Variants in GPAM observed in about 807,000 individuals in gnomAD.
GPAM encodes the protein glycerol-3-phosphate acyltransferase 1, mitochondrial.
A neutral mutation model predicts 105.0 loss-of-function variants in GPAM; 56 were observed. The ratio of observed to expected loss-of-function variants is 0.53; its 90% CI spans 0.43 to 0.67. The LOEUF (loss-of-function observed/expected upper bound fraction) is 0.67. GPAM is among the 30% of genes least tolerant of loss of function. The pLI is 0.00. For synonymous variants in GPAM, 368 were observed against 354.4 expected, an observed-to-expected ratio of 1.04 and a Z score of -0.43; for missense variants, 855 against 989.8, an observed-to-expected ratio of 0.86 and a Z score of 1.83.
At position 112,175,726 on chromosome 10, in the gene GPAM, T is replaced by C; in HGVS notation, c.300-13A>G. 1 of 1,532,064 alleles carries C rather than the reference T, an allele frequency of 6.5e-7. No individual in the cohort carries two copies. Among genetic ancestry groups the C allele is most frequent in the East Asian group, 2.2e-5 (1 of 44,500 alleles). 94.9% of individuals were successfully genotyped at this position (1,532,064 alleles called of 1,614,324 possible). A position where few individuals can be genotyped will look rare whatever the true frequency, so the allele number is the denominator to read the frequency against. ...CCATCCGCGGTGTCTGTGAAAATGA[T>C]TTAGCAGAGAAGTATTAGAGGTACC... On this transcript the variant is annotated splice_polypyrimidine_tract_variant and intron_variant, in intron 5 of 21. Coordinates refer to ENST00000348367, the MANE Select transcript of GPAM (RefSeq NM_001244949.2).
chr10:112,211,111 G>A (rs1197022180), intron 1 of GPAM, among the ~76,000 whole-genome samples: 8 of 152,158 alleles, frequency 5.3e-5, no homozygotes, highest in African/African-American at 1.9e-4. Flanking sequence ...TTTCCCATAG[G>A]AGTGACCCCA....
chr10:112,172,096 A>G, intron 9 of GPAM, 86 bp downstream of exon 9: 1 of 985,016 alleles, frequency 1.0e-6, no homozygotes, highest in Admixed American at 1.8e-5. Context: ...TCTTTACAAT[A>G]ACATATCGAA....
intron 9 of GPAM, among the ~76,000 whole-genome samples, chr10:112,170,971 T>C (rs995308839): frequency 3.9e-5 from 6 of 152,136 alleles, no homozygotes; most frequent in Non-Finnish European, 8.8e-5. Context: ...CCTTAGACTG[T>C]GATACTGAGG....
rs548492792 is a variant in GPAM, at chr10:112,168,714, C to G, written c.894+139G>C. On this transcript the variant is annotated intron_variant, in intron 10 of 21. Transcript: ENST00000348367. ...GTAATAACAACAACAACAACAACAA[C>G]AAATTACCAAACTCAAGCAATAATC... 22 of 748,890 alleles carry G rather than the reference C, an allele frequency of 2.9e-5. No homozygotes were observed. In the African/African-American group the frequency reaches 3.8e-4, roughly 13 times the overall value. The allele number at this position is 748,890 out of a possible 1,614,324, so 46.4% of individuals were successfully genotyped here.
chr10:112,178,274 G>T (rs2803620), intron 4 of GPAM, among the ~76,000 whole-genome samples: 1 of 152,108 alleles, frequency 6.6e-6, no homozygotes, highest in South Asian at 2.1e-4. Flanking sequence ...AACTAGCCAG[G>T]CGCAGTGGCT....
upstream of GPAM, among the ~76,000 whole-genome samples, chr10:112,184,639 G>T (rs1379188311): frequency 6.6e-6 from 1 of 152,164 alleles, no homozygotes; most frequent in East Asian, 1.9e-4. Flanking sequence ...ACGTTGTGCT[G>T]GACAGTGGTC....
chr10:112,175,675 A>C lies in GPAM; in HGVS notation c.338T>G (p.Leu113Arg). Residue 113 changes from leucine (L) to arginine (R), a missense_variant, in exon 6 of 22, where the codon CTT becomes CGT. Leu to Arg is a moderately radical substitution (Grantham distance 102). Coordinates refer to ENST00000348367, the MANE Select transcript of GPAM (RefSeq NM_001244949.2). ...GWLARRLSYV[L>R]FIQERDVHKG... The stretch of plus-strand genomic sequence containing the variant: ...ATGCACATCTCGCTCTTGAATAAAA[A>C]GAACGTAAGAAAGGCGTCTTGCAAG... 5 of 1,613,462 alleles carry C rather than the reference A, an allele frequency of 3.1e-6. No individual in the cohort carries two copies. The highest frequency in any genetic ancestry group is 4.2e-6 in the Non-Finnish European group (5 of 1,179,384).
rs1589578511 is a variant in GPAM, at chr10:112,158,199, G to A, written c.1980+117C>T. ...ACCCGCCTTCACCTCCCAAAGTGCT[G>A]GGATTACAGGCACATGCCACCATGC... is the stretch of plus-strand genomic sequence containing the variant. On this transcript the variant is annotated intron_variant, in intron 18 of 21. Transcript: ENST00000348367. The A allele has an allele frequency of 5.0e-6, 4 of 798,484 alleles. No homozygotes were observed. The East Asian group carries it at 7.3e-5, about 15-fold the overall frequency. 49.5% of individuals were successfully genotyped at this position (798,484 alleles called of 1,614,324 possible).
intron 1 of GPAM, among the ~76,000 whole-genome samples, chr10:112,193,327 A>C (rs1043469943): frequency 6.6e-6 from 1 of 152,158 alleles, no homozygotes; most frequent in Admixed American, 6.5e-5. Flanking sequence ...CCATGGAGCC[A>C]CTGCCACTGG....
chr10:112,186,872 A>G (rs1355193646), upstream of GPAM, among the ~76,000 whole-genome samples: 1 of 152,224 alleles, frequency 6.6e-6, no homozygotes, highest in Non-Finnish European at 1.5e-5. Context: ...TTAAAACATG[A>G]TTGCTTAATG....
Position 112,180,585 on chromosome 10 carries a change from C to G in GPAM, c.113G>C (p.Gly38Ala). ...AGATCTGAAGATGGTGGGTCTAAAG[C>G]CACACTCACCCTGACAAATATTAAG... ...KHTSEEWGEC[G>A]FRPTIFRSAT... The change falls in exon 4 of 22, where the codon GGC (glycine) becomes GCC (alanine). Residue 38 changes from glycine to alanine, a missense_variant. By Grantham distance (60) the Gly-to-Ala change is moderately conservative. Transcript: ENST00000348367. 1 of 1,609,018 alleles carries G rather than the reference C, an allele frequency of 6.2e-7. No individual in the cohort carries two copies. The highest frequency in any genetic ancestry group is 1.1e-5 in the South Asian group (1 of 90,964).
At chr10:112,174,984 T>G (rs992225579) in intron 6 of GPAM, among the ~76,000 whole-genome samples, 1 of 152,068 alleles carries the variant, frequency 6.6e-6, no homozygotes, top group African/African-American at 2.4e-5. Flanking sequence ...TCTCTGAAAC[T>G]GGCCACACCA....
chr10:112,168,886 C>G lies in GPAM; in HGVS notation c.861G>C (p.Arg287=). The change falls in exon 10 of 22, where the codon CGG becomes CGC. Residue 287 remains arginine, a synonymous_variant. Transcript: ENST00000348367. ...RRRLDETPDG[R]KDVLYRALLH... The stretch of plus-strand genomic sequence containing the variant: ...GCAAAGCTCTATAGAGAACATCTTT[C>G]CGTCCATCTGGTGTTTCATCGAGCC... The G allele has an allele frequency of 6.2e-7, 1 of 1,610,680 alleles. No homozygotes were observed. Among genetic ancestry groups the G allele is most frequent in the East Asian group, 2.2e-5 (1 of 44,864 alleles).
chr10:112,202,248 T>A (rs1174945954), intron 1 of GPAM, among the ~76,000 whole-genome samples: 1 of 152,184 alleles, frequency 6.6e-6, no homozygotes, highest in Non-Finnish European at 1.5e-5. Context: ...TATAAGAAAA[T>A]CGATGTGCTG....
At chr10:112,181,212 T>C (rs894441581) in intron 3 of GPAM, among the ~76,000 whole-genome samples, 1 of 151,626 alleles carries the variant, frequency 6.6e-6, no homozygotes, top group Non-Finnish European at 1.5e-5. Flanking sequence ...CCATTTTTTA[T>C]ATAAAGACAA....
chr10:112,197,595 T>C (rs936403468), intron 1 of GPAM, among the ~76,000 whole-genome samples: 2 of 150,678 alleles, frequency 1.3e-5, no homozygotes, highest in African/African-American at 4.9e-5. Flanking sequence ...CACTAACTCA[T>C]CATCTAGCAT....
intron 1 of GPAM, among the ~76,000 whole-genome samples, chr10:112,191,932 C>T (rs1847664105): frequency 6.6e-6 from 1 of 152,058 alleles, no homozygotes. Context: ...AATGACAGTC[C>T]AGCACCTTAG....
chr10:112,152,384 C>A lies in GPAM; in HGVS notation c.*1166G>T, dbSNP rs1564808006. ...CCACTATGTGGCATAAGGGTTTAGG[C>A]ATATAACCCATAAAAATTTGTTAAA... is the stretch of plus-strand genomic sequence containing the variant. On this transcript the variant is annotated 3_prime_UTR_variant, in exon 22 of 22. Transcript: ENST00000348367. The A allele has an allele frequency of 1.0e-6, 1 of 983,740 alleles. No homozygotes were observed. Among genetic ancestry groups the A allele is most frequent in the Non-Finnish European group, 1.2e-6 (1 of 828,542 alleles). The allele number at this position is 983,740 out of a possible 1,614,324, so 60.9% of individuals were successfully genotyped here. A position where few individuals can be genotyped will look rare whatever the true frequency, so the allele number is the denominator to read the frequency against.
rs1371286619 is a variant in GPAM, at chr10:112,150,881, A to G, written c.*2669T>C. The G allele has an allele frequency of 2.0e-6, 2 of 985,162 alleles. No individual in the cohort carries two copies. The highest frequency in any genetic ancestry group is 3.5e-5 in the African/African-American group (2 of 57,224). The allele number at this position is 985,162 out of a possible 1,614,324, so 61.0% of individuals were successfully genotyped here. ...AATTCCACAATTTGGGCTTACATTCATTGTAATCCCAGAAATATTTTCTCC... is the reference window on the plus strand; with the variant it reads ...AATTCCACAATTTGGGCTTACATTCGTTGTAATCCCAGAAATATTTTCTCC... On this transcript the variant is annotated 3_prime_UTR_variant, in exon 22 of 22. Coordinates refer to ENST00000348367, the MANE Select transcript of GPAM (RefSeq NM_001244949.2).
Sources: gnomAD v4.1 joint callset for allele counts (sites outside exome capture counted in the v4.1 genomes callset) on GRCh38, gnomAD v4.1.1 for gene constraint, MANE v1.5 for transcripts, NCBI Gene and HGNC (gene_info 2026-07-23, HGNC 2026-07-21) for gene names.